ANKRD11: variants seen among roughly 807,000 people sequenced by gnomAD.
ANKRD11 encodes the protein ankyrin repeat domain 11.
ANKRD11 carries 17 observed loss-of-function variants against 195.7 expected under a neutral mutation model. The ratio of observed to expected loss-of-function variants is 0.09; its 90% CI spans 0.06 to 0.13. The LOEUF is 0.13. ANKRD11 is among the 10% of genes least tolerant of loss of function. The pLI, the probability that ANKRD11 is intolerant of heterozygous loss-of-function variation, is 1.00. For missense variants in ANKRD11, 3,735 were observed against 3,566.1 expected (o/e 1.05, Z -1.21); for synonymous variants, 1,953 against 1,528.1 (o/e 1.28, Z -6.49).
intron 2 of ANKRD11, among the ~76,000 whole-genome samples, chr16:89,380,127 T>A (rs886884364): frequency 6.6e-6 from 1 of 152,164 alleles, no homozygotes; most frequent in Non-Finnish European, 1.5e-5. Context: ...GTTTTTTTCT[T>A]TTTGAGACAG....
At chr16:89,312,926 C>T (rs1017688510) in intron 3 of ANKRD11, among the ~76,000 whole-genome samples, 26 of 152,068 alleles carry the variant, frequency 1.7e-4, no homozygotes, top group Non-Finnish European at 3.2e-4. Context: ...AAGCTATCTT[C>T]GGGGAGGGGC....
At chr16:89,330,324 C>G (rs865814071) in intron 2 of ANKRD11, among the ~76,000 whole-genome samples, 1 of 152,006 alleles carries the variant, frequency 6.6e-6, no homozygotes, top group Admixed American at 6.6e-5. Context: ...TGGGAAGGCT[C>G]GGGAGACCTG....
intron 1 of ANKRD11, among the ~76,000 whole-genome samples, chr16:89,461,808 T>C (rs2056679983): frequency 1.3e-5 from 2 of 152,178 alleles, no homozygotes; most frequent in African/African-American, 4.8e-5. Flanking sequence ...CATTAAAACA[T>C]TAAGTTTTGA....
chr16:89,488,787 G>T (rs1024020795), intron 1 of ANKRD11, among the ~76,000 whole-genome samples: 5 of 152,272 alleles, frequency 3.3e-5, no homozygotes, highest in African/African-American at 1.2e-4. Flanking sequence ...CTCATTTCAA[G>T]TGTTAAGGAT....
intron 3 of ANKRD11, among the ~76,000 whole-genome samples, chr16:89,305,846 A>AC (rs2036183189): frequency 1.3e-5 from 1 of 79,978 alleles, no homozygotes; most frequent in Admixed American, 1.2e-4. Flanking sequence ...GCAGACACGC[A>AC]CCACCTCCCA....
At chr16:89,365,920 C>T (rs964888114) in intron 2 of ANKRD11, among the ~76,000 whole-genome samples, 2 of 152,188 alleles carry the variant, frequency 1.3e-5, no homozygotes, top group Admixed American at 1.3e-4. Flanking sequence ...TCCACGTGTT[C>T]TCATCATTTC....
chr16:89,439,149 C>T (rs2152287732), intron 1 of ANKRD11, among the ~76,000 whole-genome samples: 1 of 152,236 alleles, frequency 6.6e-6, no homozygotes, highest in Non-Finnish European at 1.5e-5. Flanking sequence ...AATCCACATG[C>T]ATGCACAGTC....
intron 1 of ANKRD11, among the ~76,000 whole-genome samples, chr16:89,484,012 G>A (rs965185357): frequency 2.6e-5 from 4 of 152,084 alleles, no homozygotes; most frequent in African/African-American, 7.2e-5. Context: ...CTTGAAATCC[G>A]AATCAACTGT....
chr16:89,343,914 C>G (rs748529058), intron 2 of ANKRD11: 2 of 152,266 alleles, frequency 1.3e-5, no homozygotes, highest in Non-Finnish European at 2.9e-5. Context: ...TTGGAAACTA[C>G]GGATCACGGG....
At chr16:89,409,529 A>C (rs1319661604) in intron 2 of ANKRD11, among the ~76,000 whole-genome samples, 1 of 152,156 alleles carries the variant, frequency 6.6e-6, no homozygotes, top group Non-Finnish European at 1.5e-5. Context: ...CAAGAGCAGG[A>C]AAGGCTGGGT....
chr16:89,438,872 G>C (rs1283623629), intron 1 of ANKRD11, among the ~76,000 whole-genome samples: 1 of 151,938 alleles, frequency 6.6e-6, no homozygotes, highest in African/African-American at 2.4e-5. Flanking sequence ...AGCCAGGTGT[G>C]GGGTTGCATG....
chr16:89,413,759 C>T (rs2042188414), intron 2 of ANKRD11, among the ~76,000 whole-genome samples: 1 of 152,218 alleles, frequency 6.6e-6, no homozygotes, highest in Non-Finnish European at 1.5e-5. Context: ...GACACAGAAA[C>T]AGCCGACAAG....
At position 89,284,992 on chromosome 16, in the gene ANKRD11, G is replaced by C. The variant is rs764967667; in HGVS notation, c.1550C>G (p.Ser517Cys). ...AGACGAGGTGGAGGAGGCAGAGAGG[G>C]AGCTGAACAGGGAGGGGTCCTTCAG... ...LVLKDPSLFS[S>C]LSASSTSSHG... Residue 517 changes from serine (S) to cysteine (C), a missense_variant, in exon 9 of 13, where the codon TCC becomes TGC. Coordinates refer to ENST00000301030, the MANE Select transcript of ANKRD11 (RefSeq NM_013275.6). 9 of 1,614,074 alleles carry C rather than the reference G, an allele frequency of 5.6e-6. No individual in the cohort carries two copies. The South Asian group carries it at 9.9e-5, about 18-fold the overall frequency.
intron 2 of ANKRD11, among the ~76,000 whole-genome samples, chr16:89,391,926 C>T (rs1194871761): frequency 3.9e-5 from 6 of 152,152 alleles, no homozygotes; most frequent in African/African-American, 7.3e-5. Context: ...CCCTGGCATG[C>T]TTATACTGGT....
chr16:89,368,014 A>G (rs148600817), intron 2 of ANKRD11, among the ~76,000 whole-genome samples: 112 of 152,122 alleles, frequency 7.4e-4, no homozygotes, highest in African/African-American at 2.6e-3. Context: ...TCAAAACAAA[A>G]AACAAAAAAA....
chr16:89,354,638 T>C (rs2039386303), intron 2 of ANKRD11, among the ~76,000 whole-genome samples: 1 of 152,140 alleles, frequency 6.6e-6, no homozygotes, highest in South Asian at 2.1e-4. Flanking sequence ...TCCCAGCACT[T>C]TGGGAGGCCG....
intron 1 of ANKRD11, among the ~76,000 whole-genome samples, chr16:89,467,280 A>C (rs1002784463): frequency 6.9e-6 from 1 of 143,994 alleles, no homozygotes; most frequent in African/African-American, 2.6e-5. Flanking sequence ...AAAAAAAAAA[A>C]CAGAAAGATT....
intron 2 of ANKRD11, among the ~76,000 whole-genome samples, chr16:89,368,113 G>A (rs376599618): frequency 1.6e-4 from 24 of 152,122 alleles, no homozygotes; most frequent in African/African-American, 5.5e-4. Flanking sequence ...TGCTCACTAC[G>A]CTACTCATTG....
chr16:89,463,534 G>C (rs974839396), intron 1 of ANKRD11, among the ~76,000 whole-genome samples: 1 of 152,136 alleles, frequency 6.6e-6, no homozygotes, highest in Non-Finnish European at 1.5e-5. Flanking sequence ...CAAACACTGC[G>C]GAAGGCCGCA....
Sources: allele counts gnomAD v4.1 joint callset (sites outside exome capture counted in the v4.1 genomes callset), GRCh38; gene constraint gnomAD v4.1.1; transcripts MANE v1.5; gene names NCBI Gene and HGNC (gene_info 2026-07-23, HGNC 2026-07-21).